AP3M1: variants seen among roughly 807,000 people sequenced by gnomAD.
AP3M1 encodes AP-3 complex subunit mu-1.
AP3M1 carries 29 observed loss-of-function variants against 42.6 expected under a neutral mutation model. The observed-to-expected ratio is 0.68, with a 90% CI of 0.51 to 0.93. The LOEUF (loss-of-function observed/expected upper bound fraction) is 0.93, where lower values mean the gene tolerates loss of function less well. Ranked by LOEUF, AP3M1 falls within the 40% of genes least tolerant of loss-of-function variation. The pLI is 0.00. For synonymous variants in AP3M1, 178 were observed against 175.3 expected (o/e 1.02, Z -0.12); for missense variants, 416 against 510.2 (o/e 0.82, Z 1.78).
At chr10:74,130,542 G>A (rs1840750508) in intron 4 of AP3M1, among the ~76,000 whole-genome samples, 1 of 151,686 alleles carries the variant, frequency 6.6e-6, no homozygotes, top group South Asian at 2.1e-4. Context: ...CTGGGCTCAA[G>A]CAATCCTCCC....
At chr10:74,134,922 T>C (rs1840895429) in intron 3 of AP3M1, among the ~76,000 whole-genome samples, 1 of 147,236 alleles carries the variant, frequency 6.8e-6, no homozygotes, top group Non-Finnish European at 1.5e-5. Flanking sequence ...GGTATTAACA[T>C]TTTAATATAA....
intron 3 of AP3M1, among the ~76,000 whole-genome samples, chr10:74,134,514 A>C (rs937834958): frequency 6.6e-6 from 1 of 152,252 alleles, no homozygotes; most frequent in Non-Finnish European, 1.5e-5. Context: ...TGCCAATAAA[A>C]TGTCTCCAGT....
At chr10:74,136,415 G>GA (rs762044881) in intron 3 of AP3M1, among the ~76,000 whole-genome samples, 2,335 of 139,970 alleles carry the variant, frequency 0.017, 30 homozygotes, top group Non-Finnish European at 0.024. Context: ...TGGTGTTTTA[G>GA]AAAAAAAAAA....
At chr10:74,129,775 T>A in intron 5 of AP3M1, 132 bp downstream of exon 5, 1 of 690,410 alleles carries the variant, frequency 1.4e-6, no homozygotes, top group Admixed American at 2.6e-5. Context: ...CTTAGGAAAC[T>A]CTGCTAGGAA....
In AP3M1 at chr10:74,129,786, T is replaced by C. The variant is rs1368140093; in HGVS notation, c.669+121A>G. ...CTGTCTTAGGAAACTCTGCTAGGAA[T>C]ATTTCTGAGATAATCCTTTGCAATC... On this transcript the variant is annotated intron_variant, in intron 5 of 8. Coordinates refer to ENST00000355264, the MANE Select transcript of AP3M1 (RefSeq NM_012095.6). 3 of 732,158 alleles carry C rather than the reference T, an allele frequency of 4.1e-6. No homozygotes were observed. The Admixed American group carries it at 7.4e-5, about 18-fold the overall frequency. 45.4% of individuals were successfully genotyped at this position (732,158 alleles called of 1,614,324 possible). A position where few individuals can be genotyped will look rare whatever the true frequency, so the allele number is the denominator to read the frequency against.
Position 74,129,154 on chromosome 10 carries a change from G to C in AP3M1, c.757C>G (p.Pro253Ala). ...GATATGAGTCGGAAATTTCCATCTGGAGGAATAAATGACAAAACTCTTTCA... is the reference window on the plus strand; with the variant it reads ...GATATGAGTCGGAAATTTCCATCTGCAGGAATAAATGACAAAACTCTTTCA... ...ESERVLSFIPPDGNFRLISYR... is the reference protein window; with the variant it reads ...ESERVLSFIPADGNFRLISYR... Residue 253 changes from proline to alanine, a missense_variant, in exon 6 of 9, where the codon CCA becomes GCA. Physicochemically the swap from Pro to Ala is conservative, Grantham distance 27. Transcript: ENST00000355264. 6.2e-7 allele frequency: 1 copy of C among 1,614,154 alleles called. No homozygotes were observed.
Position 74,138,362 on chromosome 10 carries a change from A to G in AP3M1, c.18T>C (p.Phe6=), listed in dbSNP as rs1841011897. The G allele has an allele frequency of 6.2e-7, 1 of 1,612,630 alleles. No homozygotes were observed. Among genetic ancestry groups the G allele is most frequent in the African/African-American group, 1.3e-5 (1 of 74,874 alleles). The change falls in exon 2 of 9, where the codon TTT becomes TTC. Residue 6 remains phenylalanine, a synonymous_variant. Transcript: ENST00000355264. ...ATATGTCACCGGAACAGTTTATGAG[A>G]AATAGACTGTGGATCATTTTCTGTT... The part of the protein sequence containing the change: MIHSL[F]LINCSGDIFL...
chr10:74,124,599 T>G, intron 7 of AP3M1, 75 bp from the exon 8 acceptor site: 1 of 1,281,604 alleles, frequency 7.8e-7, no homozygotes, highest in African/African-American at 1.5e-5. Flanking sequence ...AGTTCAAAGA[T>G]ATCATAAACT....
Position 74,136,808 on chromosome 10 carries a change from C to A in AP3M1, c.274-5G>T. On this transcript the variant is annotated splice_polypyrimidine_tract_variant and splice_region_variant and intron_variant, in intron 2 of 8. Coordinates refer to ENST00000355264, the MANE Select transcript of AP3M1 (RefSeq NM_012095.6). ...TGAACACTCACCAAAGTAGTCCTGACAAAATACACACAAAATATCACACAA... is the reference window on the plus strand; with the variant it reads ...TGAACACTCACCAAAGTAGTCCTGAAAAAATACACACAAAATATCACACAA... 2.0e-6 allele frequency: 3 copies of A among 1,471,394 alleles called. No individual in the cohort carries two copies. Among genetic ancestry groups the A allele is most frequent in the Non-Finnish European group, 2.7e-6 (3 of 1,093,278 alleles). 91.1% of individuals were successfully genotyped at this position (1,471,394 alleles called of 1,614,324 possible). A position where few individuals can be genotyped will look rare whatever the true frequency, so the allele number is the denominator to read the frequency against.
chr10:74,127,306 T>C (rs562465060), intron 6 of AP3M1, among the ~76,000 whole-genome samples: 18 of 152,158 alleles, frequency 1.2e-4, no homozygotes, highest in African/African-American at 4.1e-4. Flanking sequence ...TGCTGGGAAC[T>C]GTATACAAAT....
At chr10:74,134,265 T>C (rs1840877664) in intron 3 of AP3M1, 101 bp from the exon 4 acceptor site, 1 of 1,299,130 alleles carries the variant, frequency 7.7e-7, no homozygotes, top group South Asian at 1.5e-5. Context: ...GTTTGGATTT[T>C]TCTTAATGAA....
intron 1 of AP3M1, 65 bp from the exon 2 acceptor site, chr10:74,138,447 A>T: frequency 7.0e-7 from 1 of 1,430,086 alleles, no homozygotes; most frequent in East Asian, 2.3e-5. Flanking sequence ...ACACAAAAAG[A>T]TTATACACCT....
intron 1 of AP3M1, among the ~76,000 whole-genome samples, chr10:74,149,393 G>A (rs183579056): frequency 7.0e-6 from 1 of 142,222 alleles, no homozygotes; most frequent in African/African-American, 2.6e-5. Flanking sequence ...GGGTTCAAGG[G>A]ATTCTCCTGC....
intron 1 of AP3M1, among the ~76,000 whole-genome samples, chr10:74,144,014 C>T (rs1188259318): frequency 1.3e-5 from 2 of 152,010 alleles, no homozygotes; most frequent in South Asian, 2.1e-4. Flanking sequence ...CAGACAGGAG[C>T]GCAATGGCGT....
At chr10:74,126,774 C>T (rs1840627145) in intron 6 of AP3M1, among the ~76,000 whole-genome samples, 1 of 151,314 alleles carries the variant, frequency 6.6e-6, no homozygotes, top group Non-Finnish European at 1.5e-5. Context: ...AGTTCAAGAC[C>T]AGCCTGGCCA....
intron 7 of AP3M1, 77 bp from the exon 8 acceptor site, chr10:74,124,601 T>A: frequency 1.6e-6 from 2 of 1,268,744 alleles, no homozygotes; most frequent in Admixed American, 2.5e-5. Flanking sequence ...TTCAAAGATA[T>A]CATAAACTTC....
intron 1 of AP3M1, among the ~76,000 whole-genome samples, chr10:74,143,212 A>T (rs1443349661): frequency 6.6e-6 from 1 of 152,222 alleles, no homozygotes; most frequent in East Asian, 1.9e-4. Flanking sequence ...TTAGCCGGGC[A>T]TGGTGGCGTG....
intron 4 of AP3M1, among the ~76,000 whole-genome samples, chr10:74,131,268 C>T (rs773939099): frequency 4.6e-5 from 7 of 151,648 alleles, no homozygotes; most frequent in Non-Finnish European, 1.0e-4. Flanking sequence ...CCCGGGTTCA[C>T]GCCATTCTCC....
chr10:74,147,967 A>C (rs941012240), intron 1 of AP3M1, among the ~76,000 whole-genome samples: 1 of 152,180 alleles, frequency 6.6e-6, no homozygotes, highest in Non-Finnish European at 1.5e-5. Flanking sequence ...ATTGCACTCC[A>C]GCCTGGGCGA....
Sources: allele counts gnomAD v4.1 joint callset (sites outside exome capture counted in the v4.1 genomes callset), GRCh38; gene constraint gnomAD v4.1.1; transcripts MANE v1.5; gene names NCBI Gene and HGNC (gene_info 2026-07-23, HGNC 2026-07-21).